The following DPP6 variants were observed in gnomAD, a reference collection of about 807,000 sequenced individuals.
The protein encoded by DPP6 is A-type potassium channel modulatory protein DPP6.
DPP6 carries 69 observed loss-of-function variants against 122.6 expected under a neutral mutation model. That is an observed-to-expected ratio of 0.56 (90% CI 0.46 to 0.69). The LOEUF is 0.69. DPP6 is among the 30% of genes least tolerant of loss of function. The pLI is 0.00. For synonymous variants in DPP6, 418 were observed against 433.1 expected (o/e 0.97, Z 0.43); for missense variants, 928 against 1,116.9 (o/e 0.83, Z 2.41).
At chr7:153,780,946 T>A in the DPP6 span, among the ~76,000 whole-genome samples, 1 of 151,138 alleles carries the variant, frequency 6.6e-6, no homozygotes, top group South Asian at 2.1e-4. Context: ...TCAATAAATA[T>A]CATTTCAAAC....
chr7:154,458,217 T>C (rs1820967176), intron 2 of DPP6, among the ~76,000 whole-genome samples: 1 of 151,964 alleles, frequency 6.6e-6, no homozygotes, highest in Non-Finnish European at 1.5e-5. Flanking sequence ...CAGTGGGAGG[T>C]AATTGAATCA....
At chr7:153,810,965 G>A in the DPP6 span, among the ~76,000 whole-genome samples, 72 of 152,040 alleles carry the variant, frequency 4.7e-4, no homozygotes, top group African/African-American at 1.7e-3. Flanking sequence ...TTAAACACAT[G>A]GCCAGCCTAT....
chr7:153,762,616 CAAAA>C, the DPP6 span, among the ~76,000 whole-genome samples: 7 of 137,846 alleles, frequency 5.1e-5, no homozygotes, highest in African/African-American at 1.8e-4. Flanking sequence ...ACTAAAAATA[CAAAA>C]AAAAAAAAAA....
chr7:154,792,918 G>C (rs781196314), intron 10 of DPP6, among the ~76,000 whole-genome samples: 1 of 152,200 alleles, frequency 6.6e-6, no homozygotes, highest in South Asian at 2.1e-4. Context: ...CCTGCTTGCC[G>C]CTGTTCCTTC....
chr7:154,190,193 A>G (rs1484751409), intron 1 of DPP6, among the ~76,000 whole-genome samples: 2 of 152,206 alleles, frequency 1.3e-5, no homozygotes, highest in African/African-American at 4.8e-5. Flanking sequence ...TACTAGGTGC[A>G]TGACTAACAT....
At position 154,605,881 on chromosome 7, in the gene DPP6, G is replaced by A. The variant is rs1182541259; in HGVS notation, c.628-31940G>A. 1.7e-5 allele frequency among the ~76,000 whole-genome samples: 2 copies of A among 119,086 alleles called. 1 individual carries two copies. The highest frequency in any genetic ancestry group is 3.8e-5 in the Non-Finnish European group (2 of 52,954). 78.1% of individuals were successfully genotyped at this position (119,086 alleles called of 152,430 possible). On this transcript the variant is annotated intron_variant, in intron 5 of 25. Coordinates refer to ENST00000377770, the MANE Select transcript of DPP6 (RefSeq NM_130797.4). ...GGATCTGTGAGTCTTGATACGGAGTGTTCATTACATTCAATGCTAAATATT... is the reference window on the plus strand; with the variant it reads ...GGATCTGTGAGTCTTGATACGGAGTATTCATTACATTCAATGCTAAATATT...
chr7:154,181,698 C>G (rs1005440472), intron 1 of DPP6, among the ~76,000 whole-genome samples: 1 of 151,608 alleles, frequency 6.6e-6, no homozygotes, highest in African/African-American at 2.4e-5. Flanking sequence ...GTTTCTTTTG[C>G]CATTTTAAAA....
intron 5 of DPP6, among the ~76,000 whole-genome samples, chr7:154,633,157 C>T (rs1563038750): frequency 2.0e-5 from 3 of 152,024 alleles, no homozygotes; most frequent in Non-Finnish European, 4.4e-5. Flanking sequence ...CTGAAAGCAG[C>T]CTTACTAATT....
rs557484354 is a variant in DPP6, at chr7:153,997,058, A to G, written c.51+109324A>G. ...CTCTCTCTCTCTCTCTCTCCATCCAATGACACTAATGACTACTTCAGGATG... is the reference window on the plus strand; with the variant it reads ...CTCTCTCTCTCTCTCTCTCCATCCAGTGACACTAATGACTACTTCAGGATG... On this transcript the variant is annotated intron_variant, in intron 1 of 25. Transcript: ENST00000404039. Among the ~76,000 whole-genome samples, 23 of 152,052 alleles carry G rather than the reference A, an allele frequency of 1.5e-4. No homozygotes were observed. In the South Asian group the frequency reaches 2.7e-3, roughly 18 times the overall value.
Position 154,001,044 on chromosome 7 carries a change from C to T in DPP6, c.51+113310C>T, listed in dbSNP as rs569477026. The stretch of plus-strand genomic sequence containing the variant: ...GGACACTGATTTCTTCCCAGGATGC[C>T]TGAGGATGCTGACCAGCTCCTTCCA... On this transcript the variant is annotated intron_variant, in intron 1 of 25. Coordinates refer to the DPP6 transcript ENST00000404039. Among the ~76,000 whole-genome samples the T allele has an allele frequency of 3.3e-5, 5 of 152,240 alleles. 1 individual carries two copies. Among genetic ancestry groups the T allele is most frequent in the Admixed American group, 3.3e-4 (5 of 15,300 alleles).
intron 1 of DPP6, among the ~76,000 whole-genome samples, chr7:154,300,841 G>A (rs76338765): frequency 2.6e-5 from 4 of 152,252 alleles, no homozygotes; most frequent in Non-Finnish European, 5.9e-5. Flanking sequence ...AAAAATCCAT[G>A]TGTTGAAGTC....
intron 1 of DPP6, among the ~76,000 whole-genome samples, chr7:153,932,374 C>T (rs896276949): frequency 9.9e-5 from 15 of 152,262 alleles, no homozygotes; most frequent in South Asian, 2.1e-4. Context: ...ACCCACTCCT[C>T]GGCCTCCCAA....
intron 7 of DPP6, among the ~76,000 whole-genome samples, chr7:154,725,149 G>A (rs2131356922): frequency 6.6e-6 from 1 of 152,260 alleles, no homozygotes; most frequent in South Asian, 2.1e-4. Context: ...GATCCCCCAT[G>A]ACTGCAGAGT....
chr7:153,810,309 C>A, the DPP6 span, among the ~76,000 whole-genome samples: 3 of 152,218 alleles, frequency 2.0e-5, no homozygotes, highest in South Asian at 6.2e-4. Context: ...GGTGGTAAGA[C>A]TTACGATGTA....
intron 1 of DPP6, among the ~76,000 whole-genome samples, chr7:154,182,682 A>T (rs1798155290): frequency 6.6e-6 from 1 of 151,944 alleles, no homozygotes. Flanking sequence ...CGTCTTCATG[A>T]CTAGGAAGAG....
intron 7 of DPP6, among the ~76,000 whole-genome samples, chr7:154,676,188 T>C (rs189210400): frequency 6.3e-4 from 93 of 146,774 alleles, no homozygotes; most frequent in Middle Eastern, 7.4e-3. Flanking sequence ...GGCTACAGCC[T>C]TGCAGCGTGC....
At chr7:154,379,385 C>A (rs12703350) in intron 1 of DPP6, among the ~76,000 whole-genome samples, 17,667 of 152,052 alleles carry the variant, frequency 0.12, 1,110 homozygotes, top group South Asian at 0.16. Context: ...GGAGGGATAG[C>A]ATTAGGAGAA....
At chr7:154,637,371 A>C (rs1170875630) in intron 5 of DPP6, among the ~76,000 whole-genome samples, 1 of 152,174 alleles carries the variant, frequency 6.6e-6, no homozygotes, top group African/African-American at 2.4e-5. Context: ...CCTTGACTTC[A>C]ATATTGCAAC....
rs1212065188 is a variant in DPP6 at position 154,029,444 on chromosome 7, G to A, written c.51+141710G>A. ...AAGCAGGAGCATGGCGTGAACCTGG[G>A]AGGCAGAGCTTGCAGTGAGCTGAGA... On this transcript the variant is annotated intron_variant, in intron 1 of 25. Coordinates refer to the DPP6 transcript ENST00000404039. Among the ~76,000 whole-genome samples the A allele has an allele frequency of 2.0e-5, 3 of 151,960 alleles. No homozygotes were observed. In the East Asian group the frequency reaches 5.8e-4, roughly 29 times the overall value.
Sources: gnomAD v4.1 joint callset for allele counts (sites outside exome capture counted in the v4.1 genomes callset) on GRCh38, gnomAD v4.1.1 for gene constraint, MANE v1.5 for transcripts, NCBI Gene and HGNC (gene_info 2026-07-23, HGNC 2026-07-21) for gene names.